The following PCDHA2 variants were observed in gnomAD, a reference collection of about 807,000 sequenced individuals.
PCDHA2 encodes the protein protocadherin alpha 2.
PCDHA2 carries 58 observed loss-of-function variants against 66.0 expected under a neutral mutation model. The ratio of observed to expected loss-of-function variants is 0.88; its 90% CI spans 0.71 to 1.09. PCDHA2 has a LOEUF of 1.09. Among genes scored for constraint, PCDHA2 ranks in the 50% least tolerant of loss-of-function variants. The pLI, the probability that PCDHA2 is intolerant of heterozygous loss-of-function variation, is 0.00. For synonymous variants in PCDHA2, 634 were observed against 554.0 expected (o/e 1.14, Z -2.03); for missense variants, 1,267 against 1,242.3 (o/e 1.02, Z -0.30).
At chr5:140,928,844 C>A (rs782361945) in intron 1 of PCDHA2, 9 of 1,614,168 alleles carry the variant, frequency 5.6e-6, no homozygotes, top group Non-Finnish European at 7.6e-6. Context: ...TCCTCTGTCA[C>A]TCTGGGTGTG....
intron 1 of PCDHA2, chr5:140,969,215 C>T: frequency 6.2e-7 from 1 of 1,614,128 alleles, no homozygotes; most frequent in East Asian, 2.2e-5. Flanking sequence ...CCAGACAGGA[C>T]CAGGGCCTTC....
chr5:140,809,242 C>T (rs782495070), intron 1 of PCDHA2: 2 of 1,614,092 alleles, frequency 1.2e-6, no homozygotes, highest in East Asian at 2.2e-5. Flanking sequence ...CGTTGGTGGG[C>T]GCTGTGGGTC....
rs1274589805 is a variant in PCDHA2, at chr5:140,906,709, G to T, written c.2389-72240G>T. Among the ~76,000 whole-genome samples the T allele has an allele frequency of 3.3e-5, 5 of 152,190 alleles. No individual in the cohort carries two copies. In the East Asian group the frequency reaches 9.6e-4, roughly 29 times the overall value. ...AAGGATCTGGGCCATTTGTAGTCCT[G>T]CCTGGATTGTGCTGTTGTAGTTTCC... On this transcript the variant is annotated intron_variant, in intron 1 of 3. Transcript: ENST00000526136.
intron 1 of PCDHA2, chr5:140,870,541 G>A: frequency 1.2e-6 from 2 of 1,614,136 alleles, no homozygotes; most frequent in Non-Finnish European, 8.5e-7. Flanking sequence ...GTCGGCGCGG[G>A]ACGCGGACGC....
At chr5:140,961,347 T>TTGAGAGACCAA (rs2095606709) in intron 1 of PCDHA2, among the ~76,000 whole-genome samples, 1 of 152,216 alleles carries the variant, frequency 6.6e-6, no homozygotes, top group South Asian at 2.1e-4. Flanking sequence ...AGTGGATCCC[T>TTGAGAGACCAA]GTAGTCCCCA....
chr5:140,860,681 T>G (rs2046516125), intron 1 of PCDHA2: 1 of 152,216 alleles, frequency 6.6e-6, no homozygotes, highest in Non-Finnish European at 1.5e-5. Context: ...TGCACTTATG[T>G]TTTGAGCGAC....
intron 1 of PCDHA2, among the ~76,000 whole-genome samples, chr5:140,953,629 T>A (rs547651453): frequency 6.6e-6 from 1 of 152,298 alleles, no homozygotes; most frequent in East Asian, 1.9e-4. Context: ...TTGCTTTATG[T>A]ATTTTGGCCA....
rs2150283562 is a variant in PCDHA2, at chr5:140,838,076, TA to T, written c.2388+40725del. 8.0e-3 allele frequency among the ~76,000 whole-genome samples: 249 copies of T among 31,136 alleles called. 2 individuals are homozygous for T. The highest frequency in any genetic ancestry group is 0.023 in the African/African-American group (97 of 4,194). The allele number at this position is 31,136 out of a possible 152,430, so 20.4% of individuals were successfully genotyped here. On this transcript the variant is annotated intron_variant, in intron 1 of 3. Transcript: ENST00000526136. ...TTTTCCACTTTAAGTTATATATATA[TA>T]GTGTGTGTGTGTGTGTGTGTGTGTG... is the stretch of plus-strand genomic sequence containing the variant.
intron 1 of PCDHA2, among the ~76,000 whole-genome samples, chr5:140,950,687 C>A (rs2153690415): frequency 6.6e-6 from 1 of 152,106 alleles, no homozygotes; most frequent in South Asian, 2.1e-4. Context: ...ATATTGTTAA[C>A]CAAATTTGAC....
chr5:140,803,166 C>A, intron 1 of PCDHA2: 1 of 1,613,914 alleles, frequency 6.2e-7, no homozygotes, highest in South Asian at 1.1e-5. Context: ...CCACGGTGAA[C>A]CCTCATTGAC....
intron 3 of PCDHA2, chr5:140,989,128 G>T (rs2097330831): frequency 1.3e-5 from 2 of 152,178 alleles, no homozygotes; most frequent in Non-Finnish European, 2.9e-5. Flanking sequence ...AGAAAAATAA[G>T]ACACTTTATC....
At chr5:140,875,202 C>A in intron 1 of PCDHA2, 1 of 611,450 alleles carries the variant, frequency 1.6e-6, no homozygotes, top group Non-Finnish European at 2.5e-6. Context: ...CAGGAAGTGG[C>A]TAAACCGAAA....
rs114181547 is a variant in PCDHA2, at chr5:140,916,746, T to C, written c.2389-62203T>C. Among the ~76,000 whole-genome samples, 1,217 of 152,314 alleles carry C rather than the reference T, an allele frequency of 8.0e-3. 6 individuals carry two copies. Among genetic ancestry groups the C allele is most frequent in the African/African-American group, 0.019 (786 of 41,576 alleles). ...TTTTGTTGCTGCAAGCTTCACTGCC[T>C]GGGATTAGGGGAGGGGTGGCACAAG... On this transcript the variant is annotated intron_variant, in intron 1 of 3. Coordinates refer to ENST00000526136, the MANE Select transcript of PCDHA2 (RefSeq NM_018905.3).
chr5:140,950,896 A>G (rs1023778505), intron 1 of PCDHA2, among the ~76,000 whole-genome samples: 1 of 151,834 alleles, frequency 6.6e-6, no homozygotes, highest in Non-Finnish European at 1.5e-5. Context: ...TCTGAGATTT[A>G]TTTTATTTTT....
At chr5:140,850,071 G>A (rs2150465789) in intron 1 of PCDHA2, 1 of 1,596,556 alleles carries the variant, frequency 6.3e-7, no homozygotes, top group Non-Finnish European at 8.6e-7. Flanking sequence ...GTTGGACCAC[G>A]AGGAGCTGGA....
At chr5:140,881,785 C>A (rs2058831561) in intron 1 of PCDHA2, among the ~76,000 whole-genome samples, 1 of 152,202 alleles carries the variant, frequency 6.6e-6, no homozygotes, top group South Asian at 2.1e-4. Context: ...AACTACCGAT[C>A]AATTGTCCCA....
intron 1 of PCDHA2, among the ~76,000 whole-genome samples, chr5:140,951,286 T>G (rs537000082): frequency 7.9e-5 from 12 of 152,352 alleles, no homozygotes; most frequent in African/African-American, 2.6e-4. Context: ...TAATTTTGGA[T>G]TATATCTTGA....
chr5:140,953,517 A>G (rs1554220954), intron 1 of PCDHA2, among the ~76,000 whole-genome samples: 1 of 152,168 alleles, frequency 6.6e-6, no homozygotes, highest in African/African-American at 2.4e-5. Flanking sequence ...CAAAGCAACA[A>G]AAACGGGAAA....
intron 1 of PCDHA2, chr5:140,830,234 CT>C (rs2150183232): frequency 6.2e-7 from 1 of 1,613,834 alleles, no homozygotes; most frequent in Non-Finnish European, 8.5e-7. Flanking sequence ...GGTCCTCACG[CT>C]ACTGCTGTAC....
Sources: gnomAD v4.1 joint callset for allele counts (sites outside exome capture counted in the v4.1 genomes callset) on GRCh38, gnomAD v4.1.1 for gene constraint, MANE v1.5 for transcripts, NCBI Gene and HGNC (gene_info 2026-07-23, HGNC 2026-07-21) for gene names.